Variants in CLASP2 observed in about 807,000 individuals in gnomAD.
CLASP2 encodes cytoplasmic linker associated protein 2.
A neutral mutation model predicts 194.4 loss-of-function variants in CLASP2; 47 were observed. That is an observed-to-expected ratio of 0.24 (90% CI 0.19 to 0.31). CLASP2 has a LOEUF of 0.31. CLASP2 is among the 10% of genes least tolerant of loss of function. CLASP2 has a pLI of 1.00. For synonymous variants in CLASP2, 619 were observed against 633.5 expected, an observed-to-expected ratio of 0.98 and a Z score of 0.34; for missense variants, 1,445 against 1,823.6, an observed-to-expected ratio of 0.79 and a Z score of 3.78.
chr3:33,605,067 G>A (rs989839880), intron 16 of CLASP2, among the ~76,000 whole-genome samples: 2 of 152,150 alleles, frequency 1.3e-5, no homozygotes, highest in African/African-American at 4.8e-5. Context: ...ATCTAAAGTT[G>A]TTTATGTTTA....
At chr3:33,544,395 G>A (rs2058832314) in intron 31 of CLASP2, among the ~76,000 whole-genome samples, 1 of 152,148 alleles carries the variant, frequency 6.6e-6, no homozygotes, top group South Asian at 2.1e-4. Context: ...AGCATGTCCT[G>A]ATTCTAATGG....
intron 34 of CLASP2, among the ~76,000 whole-genome samples, chr3:33,525,896 GGCACT>G (rs2054409622): frequency 6.6e-6 from 1 of 152,166 alleles, no homozygotes; most frequent in East Asian, 1.9e-4. Flanking sequence ...CACCGTTAAC[GGCACT>G]GCACCTCCCT....
At chr3:33,655,744 T>C (rs1033315388) in intron 7 of CLASP2, among the ~76,000 whole-genome samples, 26 of 152,110 alleles carry the variant, frequency 1.7e-4, no homozygotes, top group African/African-American at 6.3e-4. Context: ...TCAAGTTTTA[T>C]ATATATATAC....
At chr3:33,638,359 C>T (rs1241017077) in intron 8 of CLASP2, among the ~76,000 whole-genome samples, 2 of 152,066 alleles carry the variant, frequency 1.3e-5, no homozygotes, top group East Asian at 3.9e-4. Flanking sequence ...GGCTGTAGTG[C>T]AGTGGCGCAA....
intron 30 of CLASP2, among the ~76,000 whole-genome samples, chr3:33,550,862 T>C (rs2059910200): frequency 6.6e-6 from 1 of 152,276 alleles, no homozygotes; most frequent in African/African-American, 2.4e-5. Flanking sequence ...GAAAGCTAGG[T>C]CCTCACTTAA....
chr3:33,588,435 T>C (rs1387810840), intron 21 of CLASP2, among the ~76,000 whole-genome samples: 2 of 152,208 alleles, frequency 1.3e-5, no homozygotes, highest in East Asian at 1.9e-4. Context: ...TACCATTTTA[T>C]AGTTTTTATA....
At chr3:33,571,015 A>ATTTTTTTTTTTTTTTTTTTT (rs1027731514) in intron 25 of CLASP2, among the ~76,000 whole-genome samples, 3,177 of 123,376 alleles carry the variant, frequency 0.026, 233 homozygotes, top group Admixed American at 0.044. Context: ...GTCTCTATAA[A>ATTTTTTTTTTTTTTTTTTTT]TTTTTTTTTT....
intron 16 of CLASP2, among the ~76,000 whole-genome samples, chr3:33,605,187 G>GA (rs1304252241): frequency 2.0e-5 from 3 of 152,020 alleles, no homozygotes; most frequent in East Asian, 1.9e-4. Context: ...TGCAAAAAAT[G>GA]AAAAATCTCA....
chr3:33,520,848 C>A (rs962385927), intron 34 of CLASP2, among the ~76,000 whole-genome samples: 15 of 151,690 alleles, frequency 9.9e-5, no homozygotes, highest in African/African-American at 3.6e-4. Context: ...CACACACACA[C>A]ACACACACAC....
intron 10 of CLASP2, among the ~76,000 whole-genome samples, chr3:33,622,524 T>G (rs2077273806): frequency 1.3e-5 from 2 of 152,228 alleles, no homozygotes; most frequent in South Asian, 4.1e-4. Flanking sequence ...AAATGTAAAC[T>G]ATAAGTATAT....
chr3:33,685,342 C>CAAAAAAAAAAAAAAA, intron 5 of CLASP2, among the ~76,000 whole-genome samples: 1 of 48,148 alleles, frequency 2.1e-5, no homozygotes, highest in South Asian at 1.1e-3. Context: ...AACTCCGTCT[C>CAAAAAAAAAAAAAAA]AAAAAAAAAA....
intron 36 of CLASP2, chr3:33,514,765 A>C (rs1304873293): frequency 4.2e-6 from 1 of 236,098 alleles, no homozygotes; most frequent in African/African-American, 2.2e-5. Context: ...AAAATATGGA[A>C]ATAGCCCAAA....
At chr3:33,714,755 T>C (rs1422265321) in intron 1 of CLASP2, among the ~76,000 whole-genome samples, 2 of 152,158 alleles carry the variant, frequency 1.3e-5, no homozygotes, top group Non-Finnish European at 1.5e-5. Context: ...TATTTATTTT[T>C]TTTTAGACAG....
At chr3:33,544,930 G>T in intron 30 of CLASP2, 89 bp from the exon 31 acceptor site, 1 of 868,728 alleles carries the variant, frequency 1.2e-6, no homozygotes, top group Non-Finnish European at 1.6e-6. Flanking sequence ...TCAATAGCAC[G>T]AAGCTTGACC....
chr3:33,660,643 C>G (rs772263810), intron 7 of CLASP2, among the ~76,000 whole-genome samples: 3 of 152,104 alleles, frequency 2.0e-5, no homozygotes, highest in Non-Finnish European at 4.4e-5. Flanking sequence ...AGTTTCTGGT[C>G]ACAGAATATC....
chr3:33,571,577 C>T (rs1319629196), intron 25 of CLASP2, among the ~76,000 whole-genome samples: 1 of 151,322 alleles, frequency 6.6e-6, no homozygotes, highest in Non-Finnish European at 1.5e-5. Context: ...AGAGGTTGCA[C>T]TGAGCTGAGA....
intron 3 of CLASP2, among the ~76,000 whole-genome samples, chr3:33,689,074 T>C (rs1231032900): frequency 6.6e-6 from 1 of 151,946 alleles, no homozygotes; most frequent in African/African-American, 2.4e-5. Flanking sequence ...TACACAGCCA[T>C]CCTCTTTCGG....
At chr3:33,688,950 G>A (rs1379255641) in intron 3 of CLASP2, among the ~76,000 whole-genome samples, 5 of 152,038 alleles carry the variant, frequency 3.3e-5, no homozygotes, top group Middle Eastern at 3.2e-3. Context: ...TATTCTGGGC[G>A]TAACAAGAAA....
intron 3 of CLASP2, among the ~76,000 whole-genome samples, chr3:33,689,210 G>A (rs1470321475): frequency 6.6e-6 from 1 of 151,394 alleles, no homozygotes; most frequent in Non-Finnish European, 1.5e-5. Context: ...TGAGTAACCT[G>A]ACTCACCAAT....
Sources: allele counts gnomAD v4.1 joint callset (sites outside exome capture counted in the v4.1 genomes callset), GRCh38; gene constraint gnomAD v4.1.1; transcripts MANE v1.5; gene names NCBI Gene and HGNC (gene_info 2026-07-23, HGNC 2026-07-21).